Variants in ACTN4 observed in about 807,000 individuals in gnomAD.
ACTN4 encodes alpha-actinin-4.
ACTN4 carries 18 observed loss-of-function variants against 114.2 expected under a neutral mutation model. The ratio of observed to expected loss-of-function variants is 0.16; its 90% CI spans 0.11 to 0.23. ACTN4 has a LOEUF of 0.23. ACTN4 is among the 10% of genes least tolerant of loss of function. The pLI is 1.00. For synonymous variants in ACTN4, 515 were observed against 506.3 expected, an observed-to-expected ratio of 1.02 and a Z score of -0.23; for missense variants, 722 against 1,262.9, an observed-to-expected ratio of 0.57 and a Z score of 6.49.
At chr19:38,648,296 CA>C in intron 1 of ACTN4, 1 of 173,900 alleles carries the variant, frequency 5.8e-6, no homozygotes, top group Non-Finnish European at 1.2e-5. Context: ...GGAGGAGAAT[CA>C]GGGGAGGCTG....
rs1458971907 is a variant in ACTN4 at position 38,731,346 on chromosome 19, A to C, written c.*1914A>C. On this transcript the variant is annotated 3_prime_UTR_variant, in exon 21 of 21. Transcript: ENST00000252699. The stretch of plus-strand genomic sequence containing the variant: ...GGGTGTCACACCCCAACTCTGCCCC[A>C]TCCCGGCAGGGTGAGTACAGGCTGA... The C allele has an allele frequency of 8.2e-6, 6 of 734,840 alleles. No individual in the cohort carries two copies. Among genetic ancestry groups the C allele is most frequent in the Non-Finnish European group, 1.4e-5 (6 of 418,740 alleles). 45.5% of individuals were successfully genotyped at this position (734,840 alleles called of 1,614,324 possible).
chr19:38,657,408 G>T (rs148097547), intron 1 of ACTN4, among the ~76,000 whole-genome samples: 3,818 of 152,278 alleles, frequency 0.025, 81 homozygotes, highest in Admixed American at 0.06. Context: ...CCAACAAAGT[G>T]CTGGGGTTAC....
chr19:38,700,987 T>C lies in ACTN4; in HGVS notation c.278-15T>C. 1 of 1,613,216 alleles carries C rather than the reference T, an allele frequency of 6.2e-7. No individual in the cohort carries two copies. The highest frequency in any genetic ancestry group is 8.5e-7 in the Non-Finnish European group (1 of 1,179,670). ...CTCTGTCTCGCCCCCTCTTTTCTCT[T>C]TGTGCACTTCTCAGGGGAGCGGTTA... On this transcript the variant is annotated splice_polypyrimidine_tract_variant and intron_variant, in intron 2 of 20. Coordinates refer to ENST00000252699, the MANE Select transcript of ACTN4 (RefSeq NM_004924.6).
At chr19:38,661,941 C>T (rs1481570984) in intron 1 of ACTN4, among the ~76,000 whole-genome samples, 5 of 152,140 alleles carry the variant, frequency 3.3e-5, no homozygotes, top group African/African-American at 1.2e-4. Flanking sequence ...CGTGAGCCAC[C>T]GCGCCCGGCC....
rs191619429 is a variant in ACTN4, at chr19:38,669,025, C to T, written c.162+21118C>T. Among the ~76,000 whole-genome samples, 199 of 152,210 alleles carry T rather than the reference C, an allele frequency of 1.3e-3. 4 individuals are homozygous for T. In the South Asian group the frequency reaches 0.027, roughly 20 times the overall value. ...TTTTTTCGAGACAGTCTCTCCCTGT[C>T]GCCCAGGCTGAAATGCAGTGGTATG... On this transcript the variant is annotated intron_variant, in intron 1 of 20. Coordinates refer to ENST00000252699, the MANE Select transcript of ACTN4 (RefSeq NM_004924.6).
chr19:38,667,311 G>C (rs1966991930), intron 1 of ACTN4, among the ~76,000 whole-genome samples: 1 of 152,258 alleles, frequency 6.6e-6, no homozygotes, highest in Admixed American at 6.5e-5. Flanking sequence ...TTGGGGCGAG[G>C]AGAGTTGGTG....
chr19:38,722,553 G>C (rs943178954), intron 12 of ACTN4, among the ~76,000 whole-genome samples: 1 of 152,236 alleles, frequency 6.6e-6, no homozygotes, highest in Admixed American at 6.5e-5. Context: ...ACCCACTACT[G>C]TCCGGGTGCT....
intron 1 of ACTN4, among the ~76,000 whole-genome samples, chr19:38,673,788 T>C (rs1213352555): frequency 0.012 from 1,360 of 114,526 alleles, 61 homozygotes; most frequent in Non-Finnish European, 0.019. Context: ...TGTATAATTT[T>C]TTTTTTTTTT....
In ACTN4 at chr19:38,724,309, C is replaced by A; in HGVS notation, c.1845C>A (p.Thr615=). ...LSGSNPYTTV[T]PQIINSKWEK... ...GCAGCAACCCCTACACCACCGTCAC[C>A]CCGCAAATCATCAACTCCAAGTGGG... The change falls in exon 15 of 21, where the codon ACC becomes ACA. Residue 615 remains threonine, a synonymous_variant. Coordinates refer to ENST00000252699, the MANE Select transcript of ACTN4 (RefSeq NM_004924.6). This position sits in a 1 kb window ranked among gnomAD's most constrained non-coding sequence, Gnocchi z 7.0. The A allele has an allele frequency of 6.2e-7, 1 of 1,613,848 alleles. No homozygotes were observed. Among genetic ancestry groups the A allele is most frequent in the Admixed American group, 1.7e-5 (1 of 60,020 alleles).
intron 1 of ACTN4, among the ~76,000 whole-genome samples, chr19:38,672,678 A>G (rs567363727): frequency 6.6e-6 from 1 of 151,780 alleles, no homozygotes; most frequent in East Asian, 1.9e-4. Context: ...GGTTCAAGCA[A>G]TTCTCCTGCC....
intron 1 of ACTN4, among the ~76,000 whole-genome samples, chr19:38,667,706 CAA>C (rs77347323): frequency 2.0e-4 from 26 of 129,336 alleles, no homozygotes; most frequent in East Asian, 2.2e-4. Flanking sequence ...TTTCTTCCAC[CAA>C]AAAAAAAAAA....
chr19:38,727,848 C>T lies in ACTN4; in HGVS notation c.2338-98C>T, dbSNP rs774403227. ...TCTAACTCTGTGTTTCCCTCCCCTA[C>T]GTGTCCCTTCCCCCTGCCCTCTGCA... On this transcript the variant is annotated intron_variant, in intron 18 of 20. Transcript: ENST00000252699. This position sits in a 1 kb window ranked among gnomAD's most constrained non-coding sequence, Gnocchi z 5.4. The T allele has an allele frequency of 7.9e-6, 9 of 1,132,520 alleles. No homozygotes were observed. Among genetic ancestry groups the T allele is most frequent in the South Asian group, 6.6e-5 (5 of 75,808 alleles). The allele number at this position is 1,132,520 out of a possible 1,614,324, so 70.2% of individuals were successfully genotyped here.
chr19:38,664,640 G>A (rs1319278120), intron 1 of ACTN4, among the ~76,000 whole-genome samples: 1 of 152,140 alleles, frequency 6.6e-6, no homozygotes, highest in Non-Finnish European at 1.5e-5. Flanking sequence ...GCTGGATTGA[G>A]CCCGTCCCTG....
At chr19:38,710,725 G>A (rs1032015192) in intron 8 of ACTN4, 3 of 356,030 alleles carry the variant, frequency 8.4e-6, no homozygotes, top group South Asian at 2.2e-5. Flanking sequence ...ATGTGGAGGG[G>A]TGAAGTGAGC....
At chr19:38,688,092 C>T (rs922692176) in intron 1 of ACTN4, among the ~76,000 whole-genome samples, 1 of 152,042 alleles carries the variant, frequency 6.6e-6, no homozygotes, top group Non-Finnish European at 1.5e-5. Context: ...TGTTCAATGT[C>T]ATTACTAATT....
intron 1 of ACTN4, among the ~76,000 whole-genome samples, chr19:38,671,149 A>G (rs1473167910): frequency 6.6e-6 from 1 of 152,098 alleles, no homozygotes; most frequent in Non-Finnish European, 1.5e-5. Context: ...GTTGAAGTGG[A>G]TGGTAGTAAA....
At chr19:38,661,613 T>C (rs1393527947) in intron 1 of ACTN4, among the ~76,000 whole-genome samples, 3 of 152,206 alleles carry the variant, frequency 2.0e-5, no homozygotes, top group Admixed American at 6.5e-5. Context: ...TGATTTTTTT[T>C]CCAATAAGTA....
intron 8 of ACTN4, among the ~76,000 whole-genome samples, chr19:38,712,784 A>G (rs538604701): frequency 6.6e-6 from 1 of 152,230 alleles, no homozygotes; most frequent in Admixed American, 6.5e-5. Flanking sequence ...CCTGCCCACC[A>G]CATGGCCTCA....
chr19:38,715,532 A>T (rs1380903120), intron 9 of ACTN4, among the ~76,000 whole-genome samples: 1 of 152,216 alleles, frequency 6.6e-6, no homozygotes, highest in Non-Finnish European at 1.5e-5. Flanking sequence ...CCCAAAGAGC[A>T]GTGGTTTGAC....
Sources: allele counts gnomAD v4.1 joint callset (sites outside exome capture counted in the v4.1 genomes callset), GRCh38; gene constraint gnomAD v4.1.1; non-coding constraint Gnocchi (gnomAD v3.1); transcripts MANE v1.5; gene names NCBI Gene and HGNC (gene_info 2026-07-23, HGNC 2026-07-21).